Variants in ABHD5 observed in about 807,000 individuals in gnomAD.
ABHD5 encodes 1-acylglycerol-3-phosphate O-acyltransferase ABHD5.
ABHD5 carries 30 observed loss-of-function variants against 44.9 expected under a neutral mutation model. That is an observed-to-expected ratio of 0.67 (90% CI 0.50 to 0.91). The LOEUF (loss-of-function observed/expected upper bound fraction) is 0.91. ABHD5 is among the 40% of genes least tolerant of loss of function. The probability of loss-of-function intolerance (pLI) is 0.00; values close to 1 mark genes in which losing one functional copy is unlikely to be tolerated. For synonymous variants in ABHD5, 167 were observed against 147.0 expected, an observed-to-expected ratio of 1.14 and a Z score of -0.99; for missense variants, 399 against 423.4, an observed-to-expected ratio of 0.94 and a Z score of 0.50.
At chr3:43,728,729 C>T (rs919416366) in intron 7 of ABHD5, among the ~76,000 whole-genome samples, 4 of 152,168 alleles carry the variant, frequency 2.6e-5, no homozygotes, top group African/African-American at 7.2e-5. Flanking sequence ...AGGTATCACA[C>T]ACATACCTAT....
At chr3:43,713,242 A>G (rs546047684) in intron 4 of ABHD5, among the ~76,000 whole-genome samples, 1 of 151,594 alleles carries the variant, frequency 6.6e-6, no homozygotes, top group African/African-American at 2.4e-5. Context: ...AGAATTACTC[A>G]AACCTGGGAG....
chr3:43,711,594 C>T lies in ABHD5; in HGVS notation c.507-115C>T, dbSNP rs991008279. On this transcript the variant is annotated intron_variant, in intron 3 of 6. Transcript: ENST00000644371. ...CGATCTATTTAGCACTAATCTTTAA[C>T]GTGAAGGTTTTTGAAGGTGGTTCAT... The T allele has an allele frequency of 1.6e-5, 19 of 1,167,350 alleles. 1 individual carries two copies. The highest frequency in any genetic ancestry group is 5.1e-5 in the South Asian group (4 of 77,718). 72.3% of individuals were successfully genotyped at this position (1,167,350 alleles called of 1,614,324 possible). A position where few individuals can be genotyped will look rare whatever the true frequency, so the allele number is the denominator to read the frequency against.
At chr3:43,712,663 T>G (rs764389460) in intron 4 of ABHD5, among the ~76,000 whole-genome samples, 1 of 152,156 alleles carries the variant, frequency 6.6e-6, no homozygotes, top group Non-Finnish European at 1.5e-5. Context: ...AATCTGGAGA[T>G]AGGTTTTAGC....
chr3:43,700,065 G>A (rs1419129903), intron 2 of ABHD5, among the ~76,000 whole-genome samples: 1 of 152,182 alleles, frequency 6.6e-6, no homozygotes, highest in African/African-American at 2.4e-5. Context: ...GGAAGTACTA[G>A]ACTGGACCCA....
chr3:43,723,437 G>T (rs745392577), downstream of ABHD5, among the ~76,000 whole-genome samples: 20 of 152,186 alleles, frequency 1.3e-4, no homozygotes, highest in African/African-American at 3.6e-4. Flanking sequence ...GAAATGAAAA[G>T]TTGATGAGAA....
chr3:43,692,886 C>T (rs2084416848), intron 1 of ABHD5, among the ~76,000 whole-genome samples: 1 of 152,158 alleles, frequency 6.6e-6, no homozygotes, highest in African/African-American at 2.4e-5. Flanking sequence ...ACCCTTAAGA[C>T]ATTTGAGGTT....
chr3:43,722,551 A>C lies in ABHD5; in HGVS notation c.*4019A>C, dbSNP rs573038669. 2.6e-5 allele frequency: 4 copies of C among 152,184 alleles called. No individual in the cohort carries two copies. Among genetic ancestry groups the C allele is most frequent in the African/African-American group, 9.6e-5 (4 of 41,456 alleles). 9.4% of individuals were successfully genotyped at this position (152,184 alleles called of 1,614,324 possible). A position where few individuals can be genotyped will look rare whatever the true frequency, so the allele number is the denominator to read the frequency against. On this transcript the variant is annotated 3_prime_UTR_variant, in exon 7 of 7. Coordinates refer to ENST00000644371, the MANE Select transcript of ABHD5 (RefSeq NM_016006.6). ...CCTGTCAATGTTTTATATAATAAAC[A>C]TTTTTTGAAAAGGCAACTCTTAAAA...
At chr3:43,704,665 G>T (rs2084593104) in intron 3 of ABHD5, among the ~76,000 whole-genome samples, 1 of 152,198 alleles carries the variant, frequency 6.6e-6, no homozygotes, top group Non-Finnish European at 1.5e-5. Context: ...TAAAGAAATA[G>T]GGGGCTTCAG....
At chr3:43,698,342 T>C (rs2084498643) in intron 1 of ABHD5, among the ~76,000 whole-genome samples, 1 of 152,244 alleles carries the variant, frequency 6.6e-6, no homozygotes, top group South Asian at 2.1e-4. Flanking sequence ...ATCTGGACTC[T>C]GCAGTAGTTC....
rs992040699 is a variant in ABHD5 at position 43,721,685 on chromosome 3, G to T, written c.*3153G>T. ...AGTAAGCCACTGCACTCCAGCCTGG[G>T]TGACAGAGAAGAAAAAAGATTTTTT... On this transcript the variant is annotated 3_prime_UTR_variant, in exon 7 of 7. Coordinates refer to ENST00000644371, the MANE Select transcript of ABHD5 (RefSeq NM_016006.6). 1.3e-5 allele frequency: 2 copies of T among 152,144 alleles called. No homozygotes were observed. Among genetic ancestry groups the T allele is most frequent in the Non-Finnish European group, 2.9e-5 (2 of 68,044 alleles). 9.4% of individuals were successfully genotyped at this position (152,144 alleles called of 1,614,324 possible). A position where few individuals can be genotyped will look rare whatever the true frequency, so the allele number is the denominator to read the frequency against.
intron 3 of ABHD5, among the ~76,000 whole-genome samples, chr3:43,706,238 C>T (rs2084617027): frequency 6.6e-6 from 1 of 152,188 alleles, no homozygotes; most frequent in African/African-American, 2.4e-5. Context: ...TACTGAACTA[C>T]ATACTCGTGC....
intron 4 of ABHD5, among the ~76,000 whole-genome samples, chr3:43,713,628 C>T (rs1183668894): frequency 6.6e-6 from 1 of 152,150 alleles, no homozygotes; most frequent in East Asian, 1.9e-4. Context: ...TTTCAGCCCT[C>T]CCCAGTAGAG....
chr3:43,721,087 A>G lies in ABHD5; in HGVS notation c.*2555A>G, dbSNP rs2084830586. ...AAAAATAGCCAGAAGATGCCTAGAA[A>G]AGAACAATGTGGAAGGAGGGATAAC... On this transcript the variant is annotated 3_prime_UTR_variant, in exon 7 of 7. Coordinates refer to ENST00000644371, the MANE Select transcript of ABHD5 (RefSeq NM_016006.6). 1 of 152,208 alleles carries G rather than the reference A, an allele frequency of 6.6e-6. No homozygotes were observed. Among genetic ancestry groups the G allele is most frequent in the African/African-American group, 2.4e-5 (1 of 41,468 alleles). The allele number at this position is 152,208 out of a possible 1,614,324, so 9.4% of individuals were successfully genotyped here. A position where few individuals can be genotyped will look rare whatever the true frequency, so the allele number is the denominator to read the frequency against.
At chr3:43,712,084 CA>C (rs2084695972) in intron 4 of ABHD5, among the ~76,000 whole-genome samples, 1 of 152,098 alleles carries the variant, frequency 6.6e-6, no homozygotes, top group Non-Finnish European at 1.5e-5. Flanking sequence ...GAATAATTAG[CA>C]AAGCAGAAAA....
At chr3:43,698,820 G>T (rs1423521663) in intron 1 of ABHD5, among the ~76,000 whole-genome samples, 1 of 152,234 alleles carries the variant, frequency 6.6e-6, no homozygotes, top group African/African-American at 2.4e-5. Flanking sequence ...AAAAATGGTC[G>T]ATCTCAGATT....
intron 7 of ABHD5, among the ~76,000 whole-genome samples, chr3:43,732,222 A>G (rs1190361335): frequency 6.6e-6 from 1 of 152,078 alleles, no homozygotes; most frequent in African/African-American, 2.4e-5. Context: ...CTTGAGATCA[A>G]GAGTTCAAGA....
chr3:43,726,646 A>G (rs1169354056), downstream of ABHD5, among the ~76,000 whole-genome samples: 5 of 152,240 alleles, frequency 3.3e-5, no homozygotes, highest in African/African-American at 1.2e-4. Context: ...CCAAAATCAG[A>G]ACACCACATC....
intron 5 of ABHD5, 37 bp downstream of exon 5, chr3:43,715,095 G>GTA (rs758546708): frequency 9.2e-7 from 1 of 1,087,566 alleles, no homozygotes; most frequent in Non-Finnish European, 1.4e-6. Flanking sequence ...CTGTGTGTGT[G>GTA]TGTGTGTGTG....
chr3:43,731,660 C>T (rs1042261152), intron 7 of ABHD5, among the ~76,000 whole-genome samples: 3 of 151,982 alleles, frequency 2.0e-5, no homozygotes, highest in Admixed American at 6.6e-5. Context: ...GGAGAAACCC[C>T]GTCTCTACTA....
Sources: allele counts gnomAD v4.1 joint callset (sites outside exome capture counted in the v4.1 genomes callset), GRCh38; gene constraint gnomAD v4.1.1; transcripts MANE v1.5; gene names NCBI Gene and HGNC (gene_info 2026-07-23, HGNC 2026-07-21).